The following LARGE1 variants were observed in gnomAD, a reference collection of about 807,000 sequenced individuals.
LARGE1 encodes xylosyl- and glucuronyltransferase LARGE1.
In LARGE1, 43 loss-of-function variants were observed where a neutral mutation model predicts 87.6. The observed-to-expected ratio is 0.49, with a 90% CI of 0.38 to 0.63. The LOEUF (loss-of-function observed/expected upper bound fraction) is 0.63. LARGE1 is among the 30% of genes least tolerant of loss of function. The pLI is 0.00. For synonymous variants in LARGE1, 434 were observed against 394.6 expected (o/e 1.10, Z -1.18); for missense variants, 802 against 1,000.2 (o/e 0.80, Z 2.67).
At chr22:33,858,827 G>T (rs935178289) in intron 1 of LARGE1, among the ~76,000 whole-genome samples, 6 of 152,288 alleles carry the variant, frequency 3.9e-5, no homozygotes, top group Non-Finnish European at 7.3e-5. Context: ...TAAAGAAAAC[G>T]TGGCACATAC....
intron 7 of LARGE1, among the ~76,000 whole-genome samples, chr22:33,397,747 A>G (rs2065798538): frequency 6.6e-6 from 1 of 152,202 alleles, no homozygotes; most frequent in Non-Finnish European, 1.5e-5. Context: ...TTAAGTAGAT[A>G]TTGCAAAGTG....
At chr22:33,260,134 C>T (rs1418271955) in intron 11 of LARGE1, among the ~76,000 whole-genome samples, 1 of 152,162 alleles carries the variant, frequency 6.6e-6, no homozygotes, top group East Asian at 1.9e-4. Context: ...TATCCTACCT[C>T]ACCTGCTCCT....
At chr22:33,186,655 A>G (rs1923492345) in intron 11 of LARGE1, among the ~76,000 whole-genome samples, 1 of 152,178 alleles carries the variant, frequency 6.6e-6, no homozygotes, top group African/African-American at 2.4e-5. Flanking sequence ...AGTGGAATAA[A>G]GTAAAAAATA....
At chr22:33,826,108 G>A (rs550470495) in intron 1 of LARGE1, among the ~76,000 whole-genome samples, 6 of 151,948 alleles carry the variant, frequency 3.9e-5, no homozygotes, top group Non-Finnish European at 7.4e-5. Flanking sequence ...TAGCACAAAC[G>A]GTGGCTTAAA....
chr22:33,918,756 A>C (rs942531434), intron 1 of LARGE1, among the ~76,000 whole-genome samples: 3 of 152,174 alleles, frequency 2.0e-5, no homozygotes, highest in Non-Finnish European at 4.4e-5. Context: ...GAGAAGAAAA[A>C]TTAACCCGAG....
intron 12 of LARGE1, among the ~76,000 whole-genome samples, chr22:33,295,953 A>G (rs562050453): frequency 9.8e-5 from 15 of 152,346 alleles, no homozygotes; most frequent in African/African-American, 3.1e-4. Flanking sequence ...GAAGCTAAGA[A>G]GGAGCTTTTG....
At position 33,872,818 on chromosome 22, in the gene LARGE1, C is replaced by G. The variant is rs376220865; in HGVS notation, c.-83+47177G>C. On this transcript the variant is annotated intron_variant, in intron 1 of 14. Coordinates refer to ENST00000397394, the MANE Select transcript of LARGE1 (RefSeq NM_133642.5). ...TTCGAGACCAGCCTGGCCAACATGG[C>G]AAAACCCTGTCTCTACTGAAAACAC... Among the ~76,000 whole-genome samples, 6 of 152,026 alleles carry G rather than the reference C, an allele frequency of 3.9e-5. No homozygotes were observed. In the East Asian group the frequency reaches 9.7e-4, roughly 25 times the overall value.
intron 1 of LARGE1, among the ~76,000 whole-genome samples, chr22:33,768,114 C>T (rs1181300063): frequency 6.6e-6 from 1 of 152,124 alleles, no homozygotes; most frequent in Admixed American, 6.5e-5. Flanking sequence ...TTGAGACCAT[C>T]CTGGCTAACA....
intron 1 of LARGE1, among the ~76,000 whole-genome samples, chr22:33,912,303 G>A (rs1180974616): frequency 2.6e-5 from 4 of 152,092 alleles, no homozygotes; most frequent in Admixed American, 2.0e-4. Flanking sequence ...CAAGGAAGCC[G>A]CAGCAATCCC....
At chr22:33,818,844 A>G (rs2086734246) in intron 1 of LARGE1, among the ~76,000 whole-genome samples, 1 of 152,198 alleles carries the variant, frequency 6.6e-6, no homozygotes, top group South Asian at 2.1e-4. Flanking sequence ...GCAGGGCAAG[A>G]GTCCAGGACT....
chr22:33,712,425 G>C (rs990714508), intron 2 of LARGE1, among the ~76,000 whole-genome samples: 1 of 152,098 alleles, frequency 6.6e-6, no homozygotes, highest in Non-Finnish European at 1.5e-5. Flanking sequence ...GCACAAGAGG[G>C]GCATGTTCAC....
intron 6 of LARGE1, among the ~76,000 whole-genome samples, chr22:33,532,173 C>T (rs1414638419): frequency 6.6e-6 from 1 of 152,242 alleles, no homozygotes; most frequent in Non-Finnish European, 1.5e-5. Context: ...CTTGCTAACT[C>T]TAATAATCTC....
intron 1 of LARGE1, among the ~76,000 whole-genome samples, chr22:33,916,868 C>T (rs2146994205): frequency 6.6e-6 from 1 of 152,324 alleles, no homozygotes; most frequent in East Asian, 1.9e-4. Context: ...TGCTCAATGG[C>T]AAATGCGATG....
chr22:33,802,365 G>T (rs887836260), intron 1 of LARGE1, among the ~76,000 whole-genome samples: 1 of 152,182 alleles, frequency 6.6e-6, no homozygotes, highest in Non-Finnish European at 1.5e-5. Context: ...GACTAGACAG[G>T]CTGGGAGTCT....
the LARGE1 span, among the ~76,000 whole-genome samples, chr22:33,150,783 C>G: frequency 1.3e-5 from 2 of 151,864 alleles, no homozygotes; most frequent in Non-Finnish European, 2.9e-5. Flanking sequence ...ATGTGTGGAC[C>G]CTCTGTTCTA....
At chr22:33,840,444 T>C (rs1003209271) in intron 1 of LARGE1, among the ~76,000 whole-genome samples, 17 of 152,216 alleles carry the variant, frequency 1.1e-4, no homozygotes, top group Non-Finnish European at 2.2e-4. Context: ...GAGAGTAATA[T>C]AGTTTAATCT....
chr22:33,686,916 T>C (rs1003016119), intron 2 of LARGE1, among the ~76,000 whole-genome samples: 1 of 152,250 alleles, frequency 6.6e-6, no homozygotes, highest in Non-Finnish European at 1.5e-5. Context: ...GCAACCCCAG[T>C]GCCAGTGGCT....
intron 7 of LARGE1, among the ~76,000 whole-genome samples, chr22:33,407,386 A>C (rs1021859954): frequency 9.9e-5 from 15 of 152,242 alleles, no homozygotes; most frequent in African/African-American, 3.1e-4. Context: ...CTGCTATTAT[A>C]AAGTATCCAA....
intron 9 of LARGE1, among the ~76,000 whole-genome samples, chr22:33,362,189 T>C (rs529697610): frequency 6.7e-6 from 1 of 149,058 alleles, no homozygotes; most frequent in South Asian, 2.3e-4. Flanking sequence ...GGCTGAGTTA[T>C]CAAGCGTAAG....
Sources: allele counts gnomAD v4.1 joint callset (sites outside exome capture counted in the v4.1 genomes callset), GRCh38; gene constraint gnomAD v4.1.1; transcripts MANE v1.5; gene names NCBI Gene and HGNC (gene_info 2026-07-23, HGNC 2026-07-21).